The following SLC35F2 variants were observed in gnomAD, a reference collection of about 807,000 sequenced individuals.
The protein encoded by SLC35F2 is solute carrier family 35 member F2, also known as queuine/queuosine transporter SLC35F2.
A neutral mutation model predicts 38.1 loss-of-function variants in SLC35F2; 25 were observed. That is an observed-to-expected ratio of 0.66 (90% CI 0.48 to 0.92). The LOEUF (loss-of-function observed/expected upper bound fraction) is 0.92. SLC35F2 is among the 40% of genes least tolerant of loss of function. The pLI is 0.00. For missense variants in SLC35F2, 409 were observed against 452.9 expected (o/e 0.90, Z 0.88); for synonymous variants, 173 against 181.7 (o/e 0.95, Z 0.38).
intron 2 of SLC35F2, among the ~76,000 whole-genome samples, chr11:107,814,114 AAAGC>A (rs1042575575): frequency 4.8e-4 from 73 of 152,294 alleles, no homozygotes; most frequent in African/African-American, 1.7e-3. Flanking sequence ...ACACGATTCA[AAAGC>A]AAGTAGTAAA....
intron 1 of SLC35F2, among the ~76,000 whole-genome samples, chr11:107,825,202 A>T (rs1859734271): frequency 6.6e-6 from 1 of 152,132 alleles, no homozygotes; most frequent in East Asian, 1.9e-4. Context: ...ATTTTCATTT[A>T]AATAACCACA....
chr11:107,851,332 A>G (rs1295700800), intron 1 of SLC35F2, among the ~76,000 whole-genome samples: 1 of 151,282 alleles, frequency 6.6e-6, no homozygotes, highest in Non-Finnish European at 1.5e-5. Context: ...GCATGGTGGC[A>G]GGCGCCTATA....
chr11:107,807,875 C>T (rs1184826189), intron 3 of SLC35F2, among the ~76,000 whole-genome samples: 1 of 152,078 alleles, frequency 6.6e-6, no homozygotes. Context: ...ACGCCTGGCC[C>T]TGTGTATATC....
At chr11:107,806,687 T>C in intron 4 of SLC35F2, 30 bp downstream of exon 4, 2 of 1,611,052 alleles carry the variant, frequency 1.2e-6, no homozygotes, top group Non-Finnish European at 1.7e-6. Context: ...TTTGCTGTGA[T>C]TGAAGCACAA....
chr11:107,812,414 G>C (rs1375727514), intron 2 of SLC35F2, among the ~76,000 whole-genome samples: 1 of 152,058 alleles, frequency 6.6e-6, no homozygotes, highest in Non-Finnish European at 1.5e-5. Context: ...GTGTGCACCT[G>C]TAATCCCAGC....
intron 7 of SLC35F2, among the ~76,000 whole-genome samples, chr11:107,793,672 T>C (rs1859169190): frequency 6.6e-6 from 1 of 152,098 alleles, no homozygotes; most frequent in South Asian, 2.1e-4. Flanking sequence ...AGATTCAGAA[T>C]TGTAGAGCTA....
chr11:107,842,085 GAAAAATAAAAAAT>G (rs1449197768), intron 1 of SLC35F2, among the ~76,000 whole-genome samples: 1 of 150,150 alleles, frequency 6.7e-6, no homozygotes, highest in African/African-American at 2.4e-5. Context: ...GAAAAATAAA[GAAAAATAAAAAAT>G]AAAAATAAAA....
intron 7 of SLC35F2, among the ~76,000 whole-genome samples, chr11:107,795,616 A>G (rs749108797): frequency 8.5e-5 from 13 of 152,226 alleles, no homozygotes; most frequent in Admixed American, 4.6e-4. Context: ...TCAAATGACT[A>G]AAGAGTGAAA....
At chr11:107,848,044 G>A (rs1447343733) in intron 1 of SLC35F2, among the ~76,000 whole-genome samples, 1 of 152,192 alleles carries the variant, frequency 6.6e-6, no homozygotes. Context: ...GTGGCCAGGG[G>A]CTGGGGAGGG....
At chr11:107,851,900 A>G (rs1860193525) in intron 1 of SLC35F2, among the ~76,000 whole-genome samples, 1 of 152,216 alleles carries the variant, frequency 6.6e-6, no homozygotes. Context: ...AAATAACACT[A>G]TAAACAATAC....
intron 3 of SLC35F2, among the ~76,000 whole-genome samples, chr11:107,807,867 G>T (rs776355562): frequency 6.6e-6 from 1 of 152,224 alleles, no homozygotes. Flanking sequence ...GAGCCACCAC[G>T]CCTGGCCCTG....
At chr11:107,815,675 G>T in intron 2 of SLC35F2, 115 bp downstream of exon 2, 1 of 1,159,182 alleles carries the variant, frequency 8.6e-7, no homozygotes, top group African/African-American at 1.6e-5. Context: ...CAATTTCAGA[G>T]AATTGTGCAT....
intron 4 of SLC35F2, 121 bp from the exon 5 acceptor site, chr11:107,805,636 T>C (rs987220418): frequency 2.7e-6 from 4 of 1,454,906 alleles, no homozygotes; most frequent in Non-Finnish European, 3.6e-6. Context: ...AGAAACTGGT[T>C]ACTAGAAGTT....
chr11:107,816,584 G>T (rs1352242994), intron 1 of SLC35F2, among the ~76,000 whole-genome samples: 1 of 151,526 alleles, frequency 6.6e-6, no homozygotes, highest in African/African-American at 2.4e-5. Flanking sequence ...ATCGTGACTG[G>T]CCCTTACCCT....
At chr11:107,841,136 A>C (rs1860007261) in intron 1 of SLC35F2, among the ~76,000 whole-genome samples, 1 of 152,252 alleles carries the variant, frequency 6.6e-6, no homozygotes, top group Admixed American at 6.5e-5. Context: ...ACCTGATGCA[A>C]GCCCAAAATT....
chr11:107,855,388 C>G (rs1438915712), intron 1 of SLC35F2, among the ~76,000 whole-genome samples: 1 of 152,278 alleles, frequency 6.6e-6, no homozygotes, highest in East Asian at 1.9e-4. Context: ...GCGTGTGGCT[C>G]ACACCTGTAA....
chr11:107,844,094 T>C (rs146283552), intron 1 of SLC35F2, among the ~76,000 whole-genome samples: 5 of 151,992 alleles, frequency 3.3e-5, no homozygotes, highest in African/African-American at 1.2e-4. Flanking sequence ...AGAACAGGCC[T>C]AGGGATAGAC....
chr11:107,803,298 T>TGA (rs1387503649), intron 6 of SLC35F2, 143 bp from the exon 7 acceptor site: 50 of 1,318,358 alleles, frequency 3.8e-5, no homozygotes, highest in Non-Finnish European at 4.6e-5. Context: ...GCATTGAAAA[T>TGA]GAGACCATAA....
chr11:107,822,552 C>T (rs1427845789), intron 1 of SLC35F2, among the ~76,000 whole-genome samples: 3 of 152,088 alleles, frequency 2.0e-5, no homozygotes, highest in Non-Finnish European at 4.4e-5. Flanking sequence ...CACTGTGTGC[C>T]CCCACAAAAT....
Sources: allele counts gnomAD v4.1 joint callset (sites outside exome capture counted in the v4.1 genomes callset), GRCh38; gene constraint gnomAD v4.1.1; transcripts MANE v1.5; gene names NCBI Gene and HGNC (gene_info 2026-07-23, HGNC 2026-07-21).